The following NOS1AP variants were observed in gnomAD, a reference collection of about 807,000 sequenced individuals.
NOS1AP encodes carboxyl-terminal PDZ ligand of neuronal nitric oxide synthase protein.
In NOS1AP, 21 loss-of-function variants were observed where a neutral mutation model predicts 56.2. That is an observed-to-expected ratio of 0.37 (90% CI 0.26 to 0.54). NOS1AP has a LOEUF of 0.54. NOS1AP is among the 20% of genes least tolerant of loss of function. The pLI is 0.84. For synonymous variants in NOS1AP, 270 were observed against 274.6 expected (o/e 0.98, Z 0.17); for missense variants, 522 against 657.8 (o/e 0.79, Z 2.26).
chr1:162,081,265 T>C (rs764974185), intron 1 of NOS1AP, among the ~76,000 whole-genome samples: 3 of 152,310 alleles, frequency 2.0e-5, no homozygotes, highest in Non-Finnish European at 2.9e-5. Context: ...ACCTTAGTCC[T>C]TTCCATTGTG....
At chr1:162,330,758 C>T (rs75141282) in intron 4 of NOS1AP, among the ~76,000 whole-genome samples, 2 of 152,302 alleles carry the variant, frequency 1.3e-5, no homozygotes, top group East Asian at 3.9e-4. Context: ...AGCAGAGCAG[C>T]ACACTGTTTA....
At chr1:162,215,621 C>G (rs1347404672) in intron 2 of NOS1AP, among the ~76,000 whole-genome samples, 1 of 152,182 alleles carries the variant, frequency 6.6e-6, no homozygotes, top group Non-Finnish European at 1.5e-5. Context: ...CTTGAGGACC[C>G]AGCTCTGTCC....
chr1:162,137,359 C>T (rs544525653), intron 1 of NOS1AP, among the ~76,000 whole-genome samples: 62 of 152,262 alleles, frequency 4.1e-4, no homozygotes, highest in South Asian at 2.1e-4. Context: ...ATTGATTTGC[C>T]GTTTGCTTGC....
chr1:162,275,447 A>T (rs927461053), intron 2 of NOS1AP, among the ~76,000 whole-genome samples: 1 of 152,168 alleles, frequency 6.6e-6, no homozygotes, highest in Non-Finnish European at 1.5e-5. Flanking sequence ...TAAAAGTTTT[A>T]TAGTTTTACA....
chr1:162,110,458 TCCTTA>T (rs1482211193), intron 1 of NOS1AP, among the ~76,000 whole-genome samples: 2 of 152,170 alleles, frequency 1.3e-5, no homozygotes, highest in Admixed American at 6.5e-5. Context: ...TATTTGTTCC[TCCTTA>T]CCTTACCGGC....
chr1:162,111,565 A>G (rs1347052636), intron 1 of NOS1AP, among the ~76,000 whole-genome samples: 1 of 152,150 alleles, frequency 6.6e-6, no homozygotes, highest in Non-Finnish European at 1.5e-5. Flanking sequence ...AGTAGTTGAG[A>G]CCTGGCTTGA....
At chr1:162,352,289 G>C (rs533111322) in intron 6 of NOS1AP, among the ~76,000 whole-genome samples, 3 of 151,986 alleles carry the variant, frequency 2.0e-5, no homozygotes, top group South Asian at 2.1e-4. Context: ...AAACTCCTGA[G>C]CTCAGGTGAC....
At chr1:162,293,781 T>C (rs149781776) in intron 3 of NOS1AP, among the ~76,000 whole-genome samples, 10 of 152,130 alleles carry the variant, frequency 6.6e-5, no homozygotes, top group African/African-American at 1.2e-4. Context: ...GGTAGAAGAG[T>C]TGGATTTTAT....
At chr1:162,359,182 T>A (rs931270144) in intron 8 of NOS1AP, among the ~76,000 whole-genome samples, 3 of 152,178 alleles carry the variant, frequency 2.0e-5, no homozygotes, top group Non-Finnish European at 4.4e-5. Context: ...CCTTAGCCTC[T>A]CACTCACTTG....
At chr1:162,215,914 G>T (rs1305662696) in intron 2 of NOS1AP, among the ~76,000 whole-genome samples, 1 of 152,196 alleles carries the variant, frequency 6.6e-6, no homozygotes, top group Admixed American at 6.5e-5. Flanking sequence ...ATTTCCATCA[G>T]ACCTTTCTCA....
chr1:162,331,447 T>C (rs1186753808), intron 4 of NOS1AP, among the ~76,000 whole-genome samples: 1 of 152,144 alleles, frequency 6.6e-6, no homozygotes, highest in Non-Finnish European at 1.5e-5. Context: ...TAAGATGGCA[T>C]TTTACTAACT....
intron 6 of NOS1AP, among the ~76,000 whole-genome samples, chr1:162,354,907 G>A (rs772733316): frequency 2.6e-5 from 4 of 152,218 alleles, no homozygotes; most frequent in Non-Finnish European, 4.4e-5. Flanking sequence ...TTCTTCCAGT[G>A]TACCTTGTCA....
At chr1:162,209,385 C>T (rs144833557) in intron 2 of NOS1AP, among the ~76,000 whole-genome samples, 70 of 152,104 alleles carry the variant, frequency 4.6e-4, no homozygotes, top group African/African-American at 1.5e-3. Context: ...GATAGAAGGG[C>T]GATAGGATAG....
intron 1 of NOS1AP, among the ~76,000 whole-genome samples, chr1:162,098,272 ATTG>A (rs1167898214): frequency 1.2e-4 from 1 of 8,472 alleles, no homozygotes; most frequent in Admixed American, 2.5e-3. Flanking sequence ...ATGCCCGGCT[ATTG>A]TTTGTATCTT....
At chr1:162,119,840 C>T (rs1043583123) in intron 1 of NOS1AP, among the ~76,000 whole-genome samples, 4 of 152,082 alleles carry the variant, frequency 2.6e-5, no homozygotes, top group African/African-American at 7.2e-5. Context: ...TGCGTAGAAT[C>T]GTCCTCTGAA....
intron 1 of NOS1AP, among the ~76,000 whole-genome samples, chr1:162,080,774 T>C (rs1353725190): frequency 6.6e-6 from 1 of 152,240 alleles, no homozygotes; most frequent in Non-Finnish European, 1.5e-5. Context: ...TGCCTCATGC[T>C]AGCCACATCA....
intron 2 of NOS1AP, among the ~76,000 whole-genome samples, chr1:162,252,298 C>G (rs1035361915): frequency 6.6e-6 from 1 of 152,276 alleles, no homozygotes; most frequent in Middle Eastern, 3.4e-3. Context: ...CGGGCCACTT[C>G]CTCCTCCCAA....
chr1:162,095,259 T>C (rs1350284786), intron 1 of NOS1AP, among the ~76,000 whole-genome samples: 1 of 152,150 alleles, frequency 6.6e-6, no homozygotes, highest in Non-Finnish European at 1.5e-5. Context: ...TAGGTCATGA[T>C]AGCGTGGTCC....
chr1:162,164,221 A>G (rs1265084731), intron 2 of NOS1AP, among the ~76,000 whole-genome samples: 1 of 152,112 alleles, frequency 6.6e-6, no homozygotes, highest in Non-Finnish European at 1.5e-5. Flanking sequence ...TTGTAACAGG[A>G]TGATATGCAG....
Sources: gnomAD v4.1 joint callset for allele counts (sites outside exome capture counted in the v4.1 genomes callset) on GRCh38, gnomAD v4.1.1 for gene constraint, MANE v1.5 for transcripts, NCBI Gene and HGNC (gene_info 2026-07-23, HGNC 2026-07-21) for gene names.